The following RAD23B variants were observed in gnomAD, a reference collection of about 807,000 sequenced individuals.
RAD23B encodes the protein lysine-specific demethylase RAD23B.
In RAD23B, 5 loss-of-function variants were observed where a neutral mutation model predicts 49.1. That is an observed-to-expected ratio of 0.10 (90% CI 0.05 to 0.21). The LOEUF (loss-of-function observed/expected upper bound fraction) is 0.21, where lower values mean the gene tolerates loss of function less well. RAD23B is among the 10% of genes least tolerant of loss of function. The pLI is 1.00. For synonymous variants in RAD23B, 184 were observed against 165.4 expected (o/e 1.11, Z -0.86); for missense variants, 356 against 486.7 (o/e 0.73, Z 2.53).
At position 107,318,533 on chromosome 9, in the gene RAD23B, C is replaced by T. The variant is rs1405019875; in HGVS notation, c.554-219C>T. Among the ~76,000 whole-genome samples, 1 of 152,162 alleles carries T rather than the reference C, an allele frequency of 6.6e-6. No individual in the cohort carries two copies. The highest frequency in any genetic ancestry group is 1.9e-4 in the East Asian group (1 of 5,196). ...AATTTTATCTATAACCGCAATTTCC[C>T]TTTGCCTTGTAACCTATTTATAGGT... is the stretch of plus-strand genomic sequence containing the variant. On this transcript the variant is annotated intron_variant, in intron 5 of 9. Transcript: ENST00000358015. The surrounding 1 kb of genome is among the most constrained non-coding windows in gnomAD (Gnocchi z 4.3).
intron 3 of RAD23B, among the ~76,000 whole-genome samples, chr9:107,304,776 A>G (rs1564244952): frequency 6.6e-6 from 1 of 152,206 alleles, no homozygotes; most frequent in Non-Finnish European, 1.5e-5. Flanking sequence ...TATGATTTTT[A>G]CACATGTACA....
intron 1 of RAD23B, 96 bp downstream of exon 1, chr9:107,283,791 C>T: frequency 8.6e-7 from 1 of 1,156,446 alleles, no homozygotes; most frequent in African/African-American, 1.6e-5. Flanking sequence ...GCGGGGGAAG[C>T]CCCGGAGGGC....
At chr9:107,306,766 T>C in intron 4 of RAD23B, 119 bp downstream of exon 4, 1 of 1,151,072 alleles carries the variant, frequency 8.7e-7, no homozygotes, top group Non-Finnish European at 1.2e-6. Flanking sequence ...AAGCTTTTTT[T>C]AAATGTTTGA....
chr9:107,303,057 A>T (rs963313878), intron 3 of RAD23B, among the ~76,000 whole-genome samples: 4 of 152,134 alleles, frequency 2.6e-5, no homozygotes, highest in Admixed American at 1.3e-4. Flanking sequence ...ATGAACATGG[A>T]TTTTTTTAAG....
At chr9:107,285,293 A>G (rs1380686462) in intron 1 of RAD23B, among the ~76,000 whole-genome samples, 1 of 152,186 alleles carries the variant, frequency 6.6e-6, no homozygotes. Context: ...GTTAAAATGG[A>G]GTTTGTTTGA....
In RAD23B at chr9:107,285,028, A is replaced by G. The variant is rs538032993; in HGVS notation, c.66+1333A>G. 1.7e-5 allele frequency: 20 copies of G among 1,154,960 alleles called. 1 individual carries two copies. The highest frequency in any genetic ancestry group is 2.0e-5 in the Non-Finnish European group (18 of 886,118). The allele number at this position is 1,154,960 out of a possible 1,614,324, so 71.5% of individuals were successfully genotyped here. On this transcript the variant is annotated intron_variant, in intron 1 of 9. Transcript: ENST00000358015. Reference sequence around the variant, plus strand: ...TCTCATTTAATCTTAAGTTTTGTACATCTTTAATTTTTTAAGAAACAGCCT... The same window carrying G: ...TCTCATTTAATCTTAAGTTTTGTACGTCTTTAATTTTTTAAGAAACAGCCT...
chr9:107,324,679 G>T (rs1274783089), intron 8 of RAD23B, among the ~76,000 whole-genome samples, 155 bp from the exon 9 acceptor site: 1 of 152,042 alleles, frequency 6.6e-6, no homozygotes, highest in Non-Finnish European at 1.5e-5. Flanking sequence ...TATTGTATAA[G>T]AAATCACATC....
At chr9:107,303,000 A>G (rs1826689659) in intron 3 of RAD23B, among the ~76,000 whole-genome samples, 1 of 152,184 alleles carries the variant, frequency 6.6e-6, no homozygotes, top group Admixed American at 6.5e-5. Flanking sequence ...GTAGGCTGGA[A>G]TGTATTTGGA....
At chr9:107,296,947 C>T (rs899775755) in intron 1 of RAD23B, among the ~76,000 whole-genome samples, 1 of 150,736 alleles carries the variant, frequency 6.6e-6, no homozygotes, top group Non-Finnish European at 1.5e-5. Context: ...CTCCAGCTCC[C>T]TGGTTCATTT....
Position 107,314,748 on chromosome 9 carries a change from G to T in RAD23B, c.553+3011G>T, listed in dbSNP as rs182440394. 4.3e-3 allele frequency among the ~76,000 whole-genome samples: 649 copies of T among 152,264 alleles called. 1 individual carries two copies. The highest frequency in any genetic ancestry group is 7.2e-3 in the South Asian group (35 of 4,830). ...TTTTTAAGTTCTTTCAGAAATTTCC[G>T]TACTGTTTTCCATAAAGGATGTACT... On this transcript the variant is annotated intron_variant, in intron 5 of 9. Coordinates refer to ENST00000358015, the MANE Select transcript of RAD23B (RefSeq NM_002874.5).
chr9:107,326,794 C>T (rs1259070349), intron 9 of RAD23B, among the ~76,000 whole-genome samples: 2 of 151,432 alleles, frequency 1.3e-5, no homozygotes, highest in African/African-American at 4.8e-5. Flanking sequence ...CCACCATGCC[C>T]GGCTAATTTT....
chr9:107,317,811 CATAGGAGT>C (rs1402532330), intron 5 of RAD23B, among the ~76,000 whole-genome samples: 1 of 151,988 alleles, frequency 6.6e-6, no homozygotes, highest in African/African-American at 2.4e-5. Context: ...GAGGAGGGAG[CATAGGAGT>C]CTGTAAGAAG....
chr9:107,327,184 GGTT>G (rs1477699507), intron 9 of RAD23B, among the ~76,000 whole-genome samples: 2 of 152,086 alleles, frequency 1.3e-5, no homozygotes, highest in Non-Finnish European at 2.9e-5. Flanking sequence ...ATTTTGTGGT[GGTT>G]GTTGTTAATG....
chr9:107,283,710 CG>C lies in RAD23B; in HGVS notation c.66+20del. On this transcript the variant is annotated intron_variant, in intron 1 of 9. Coordinates refer to ENST00000358015, the MANE Select transcript of RAD23B (RefSeq NM_002874.5). ...CCGAGGAGACGGTATGCGCGCGGGC[CG>C]GGGGCAGGGGCAGCCGCGTGCGGGC... 9.6e-6 allele frequency: 14 copies of C among 1,456,260 alleles called. No individual in the cohort carries two copies. The highest frequency in any genetic ancestry group is 2.6e-5 in the South Asian group (2 of 75,726). 90.2% of individuals were successfully genotyped at this position (1,456,260 alleles called of 1,614,324 possible).
intron 4 of RAD23B, among the ~76,000 whole-genome samples, chr9:107,309,152 A>G (rs1442989898): frequency 6.6e-6 from 1 of 152,242 alleles, no homozygotes; most frequent in Non-Finnish European, 1.5e-5. Flanking sequence ...AGGCTGCATC[A>G]GCATCACTGG....
At chr9:107,321,047 G>A (rs1167027268) in intron 6 of RAD23B, among the ~76,000 whole-genome samples, 2 of 152,076 alleles carry the variant, frequency 1.3e-5, no homozygotes, top group Non-Finnish European at 2.9e-5. Context: ...TAAATGACAA[G>A]TCTATCAATC....
intron 9 of RAD23B, among the ~76,000 whole-genome samples, chr9:107,325,340 A>T (rs1032668712): frequency 6.9e-6 from 1 of 145,698 alleles, no homozygotes; most frequent in South Asian, 2.2e-4. Context: ...AAAAAAAAAA[A>T]ATTCCTTAGT....
At position 107,324,031 on chromosome 9, in the gene RAD23B, G is replaced by A; in HGVS notation, c.945+14G>A. On this transcript the variant is annotated intron_variant, in intron 8 of 9. Transcript: ENST00000358015. ...CAATTACTTCAGGTGACTAATCAGT[G>A]TCAGTTTCACAAGTGATTTAGAGTG... 6.2e-7 allele frequency: 1 copy of A among 1,612,118 alleles called. No individual in the cohort carries two copies. Among genetic ancestry groups the A allele is most frequent in the Non-Finnish European group, 8.5e-7 (1 of 1,178,464 alleles).
In RAD23B at chr9:107,320,372, T is replaced by A. The variant is rs377204531; in HGVS notation, c.681+1493T>A. ...CTTTCATTTACACCTGATTTAGAAT[T>A]CTGTATAAGTTCAACAGTATCAGTT... On this transcript the variant is annotated intron_variant, in intron 6 of 9. Transcript: ENST00000358015. Among the ~76,000 whole-genome samples, 7 of 152,332 alleles carry A rather than the reference T, an allele frequency of 4.6e-5. No homozygotes were observed. In the East Asian group the frequency reaches 9.6e-4, roughly 21 times the overall value.
Sources: allele counts gnomAD v4.1 joint callset (sites outside exome capture counted in the v4.1 genomes callset), GRCh38; gene constraint gnomAD v4.1.1; non-coding constraint Gnocchi (gnomAD v3.1); transcripts MANE v1.5; gene names NCBI Gene and HGNC (gene_info 2026-07-23, HGNC 2026-07-21).